PCDH17: variants seen among roughly 807,000 people sequenced by gnomAD.
PCDH17 encodes the protein protocadherin-17.
A neutral mutation model predicts 67.7 loss-of-function variants in PCDH17; 21 were observed. The observed-to-expected ratio is 0.31, with a 90% CI of 0.22 to 0.45. PCDH17 has a LOEUF of 0.45. Ranked by LOEUF, PCDH17 falls within the 20% of genes least tolerant of loss-of-function variation. The pLI is 1.00. For missense variants in PCDH17, 1,471 were observed against 1,564.8 expected, an observed-to-expected ratio of 0.94 and a Z score of 1.01; for synonymous variants, 701 against 656.7, an observed-to-expected ratio of 1.07 and a Z score of -1.03.
In PCDH17 at chr13:57,658,839, G is replaced by A. The variant is rs773201013; in HGVS notation, c.2566-7629G>A. Among the ~76,000 whole-genome samples the A allele has an allele frequency of 1.5e-4, 23 of 152,178 alleles. 1 individual carries two copies. Among genetic ancestry groups the A allele is most frequent in the Admixed American group, 5.2e-4 (8 of 15,276 alleles). ...GTGTCGCCCAGGCTGGAGTGCAATG[G>A]TGCAATCTCTGCTCACCTCAACCTC... On this transcript the variant is annotated intron_variant, in intron 1 of 3. Transcript: ENST00000377918.
At chr13:57,693,365 A>G (rs2138064927) in intron 3 of PCDH17, among the ~76,000 whole-genome samples, 1 of 134,298 alleles carries the variant, frequency 7.4e-6, no homozygotes, top group East Asian at 2.2e-4. Flanking sequence ...AGGATACAAA[A>G]TATCTTCTCT....
chr13:57,665,667 C>T (rs1593912332), intron 1 of PCDH17, among the ~76,000 whole-genome samples: 1 of 152,132 alleles, frequency 6.6e-6, no homozygotes, highest in South Asian at 2.1e-4. Flanking sequence ...GATCCAGTCT[C>T]TTTCTCCCAA....
intron 3 of PCDH17, among the ~76,000 whole-genome samples, chr13:57,685,010 C>T (rs1197800190): frequency 6.6e-6 from 1 of 151,852 alleles, no homozygotes; most frequent in Non-Finnish European, 1.5e-5. Flanking sequence ...AATCTATCTG[C>T]ATTATGAATT....
chr13:57,640,209 G>A (rs1174311240), intron 1 of PCDH17, among the ~76,000 whole-genome samples: 1 of 151,792 alleles, frequency 6.6e-6, no homozygotes. Flanking sequence ...CACTGTTAGT[G>A]CTGCTTGCTG....
At chr13:57,642,560 G>A (rs1441194800) in intron 1 of PCDH17, among the ~76,000 whole-genome samples, 1 of 151,446 alleles carries the variant, frequency 6.6e-6, no homozygotes, top group African/African-American at 2.4e-5. Context: ...ATTTCATTCA[G>A]CTGTTTTTGA....
intron 3 of PCDH17, among the ~76,000 whole-genome samples, chr13:57,669,632 A>T (rs1242451148): frequency 2.0e-5 from 3 of 152,058 alleles, no homozygotes; most frequent in Admixed American, 6.6e-5. Flanking sequence ...CAATTTCAAC[A>T]TTAGGTTGTT....
chr13:57,674,530 T>C (rs770320115), intron 3 of PCDH17, among the ~76,000 whole-genome samples: 1 of 151,914 alleles, frequency 6.6e-6, no homozygotes, highest in Non-Finnish European at 1.5e-5. Flanking sequence ...TCTTGTTTCA[T>C]TGGCCAGGCT....
chr13:57,688,043 A>G (rs1955523986), intron 3 of PCDH17, among the ~76,000 whole-genome samples: 1 of 152,070 alleles, frequency 6.6e-6, no homozygotes. Flanking sequence ...GAAATATTTT[A>G]TCCAGTTAAA....
At chr13:57,675,024 C>A (rs1008080754) in intron 3 of PCDH17, among the ~76,000 whole-genome samples, 1 of 151,858 alleles carries the variant, frequency 6.6e-6, no homozygotes, top group Non-Finnish European at 1.5e-5. Context: ...CCAAGCCATT[C>A]CCGTAACACA....
In PCDH17 at chr13:57,631,987, C is replaced by T. The variant is rs1566210781; in HGVS notation, c.-560C>T. The T allele has an allele frequency of 6.3e-6, 1 of 157,632 alleles. No homozygotes were observed. Among genetic ancestry groups the T allele is most frequent in the Non-Finnish European group, 1.4e-5 (1 of 72,246 alleles). 9.8% of individuals were successfully genotyped at this position (157,632 alleles called of 1,614,324 possible). A position where few individuals can be genotyped will look rare whatever the true frequency, so the allele number is the denominator to read the frequency against. On this transcript the variant is annotated 5_prime_UTR_variant, in exon 1 of 4. Transcript: ENST00000377918. ...TGTCTTCGTTGCTCTTCATCCCCAT[C>T]AATTTCATCACGGGAGGCGAGCAGC...
chr13:57,675,577 A>G (rs1487265180), intron 3 of PCDH17, among the ~76,000 whole-genome samples: 1 of 151,966 alleles, frequency 6.6e-6, no homozygotes, highest in Admixed American at 6.6e-5. Flanking sequence ...GAAACATTTG[A>G]GCAGACCCTT....
intron 3 of PCDH17, among the ~76,000 whole-genome samples, chr13:57,701,722 T>C (rs1025789283): frequency 3.3e-5 from 5 of 152,136 alleles, no homozygotes; most frequent in African/African-American, 1.2e-4. Context: ...GTTCTAAAAT[T>C]CTGATTCTAT....
chr13:57,658,267 T>G (rs1353636298), intron 1 of PCDH17, among the ~76,000 whole-genome samples: 1 of 152,216 alleles, frequency 6.6e-6, no homozygotes, highest in African/African-American at 2.4e-5. Context: ...ATTTTTACTT[T>G]AAAATACTAC....
At chr13:57,675,926 AG>A (rs1955386689) in intron 3 of PCDH17, among the ~76,000 whole-genome samples, 1 of 151,946 alleles carries the variant, frequency 6.6e-6, no homozygotes, top group Non-Finnish European at 1.5e-5. Context: ...GTGAAGAGGT[AG>A]GAGGAATGAA....
At position 57,632,692 on chromosome 13, in the gene PCDH17, C is replaced by G; in HGVS notation, c.146C>G (p.Pro49Arg). 1.2e-6 allele frequency: 2 copies of G among 1,611,648 alleles called. No homozygotes were observed. The highest frequency in any genetic ancestry group is 1.7e-6 in the Non-Finnish European group (2 of 1,179,914). The change falls in exon 1 of 4, where the codon CCG becomes CGG. Residue 49 changes from proline to arginine, a missense_variant. By Grantham distance (103) the Pro-to-Arg change is moderately radical (BLOSUM62 -2). Coordinates refer to ENST00000377918, the MANE Select transcript of PCDH17 (RefSeq NM_001040429.3). ...GATGCTCGACTGCAGCCTGGGCTTC[C>G]GCCTGCAGAGCGCGGCGGCGGAGGG... ...GRDARLQPGL[P>R]PAERGGGGRS... is the part of the protein sequence containing the mutation.
Position 57,729,092 on chromosome 13 carries a change from A to G in PCDH17, c.*3798A>G, listed in dbSNP as rs1955934564. On this transcript the variant is annotated 3_prime_UTR_variant, in exon 4 of 4. Transcript: ENST00000377918. ...ATATTATTGAATGAGACCTGATTAA[A>G]GTCTGACTTTCCTGGCCCCAGTGTT... 1 of 152,158 alleles carries G rather than the reference A, an allele frequency of 6.6e-6. No individual in the cohort carries two copies. Among genetic ancestry groups the G allele is most frequent in the Admixed American group, 6.5e-5 (1 of 15,272 alleles). 9.4% of individuals were successfully genotyped at this position (152,158 alleles called of 1,614,324 possible).
chr13:57,653,060 G>C (rs1399054348), intron 1 of PCDH17, among the ~76,000 whole-genome samples: 3 of 152,100 alleles, frequency 2.0e-5, no homozygotes, highest in Non-Finnish European at 4.4e-5. Context: ...CTCTAGCTTT[G>C]TCTTGTGTAG....
intron 1 of PCDH17, among the ~76,000 whole-genome samples, chr13:57,646,023 C>A (rs1263028252): frequency 6.6e-6 from 1 of 151,098 alleles, no homozygotes; most frequent in African/African-American, 2.4e-5. Flanking sequence ...ATATCTAAAC[C>A]ATAAACAGTT....
intron 3 of PCDH17, among the ~76,000 whole-genome samples, chr13:57,712,499 TA>T: frequency 6.6e-6 from 1 of 151,892 alleles, no homozygotes; most frequent in African/African-American, 2.4e-5. Context: ...AATTTAAATT[TA>T]TTTTTTTAAT....
Sources: gnomAD v4.1 joint callset for allele counts (sites outside exome capture counted in the v4.1 genomes callset) on GRCh38, gnomAD v4.1.1 for gene constraint, MANE v1.5 for transcripts, NCBI Gene and HGNC (gene_info 2026-07-23, HGNC 2026-07-21) for gene names.